The following SV2C variants were observed in gnomAD, a reference collection of about 807,000 sequenced individuals.
SV2C encodes synaptic vesicle glycoprotein 2C.
In SV2C, 49 loss-of-function variants were observed where a neutral mutation model predicts 79.7. The observed-to-expected ratio is 0.61, with a 90% CI of 0.49 to 0.78. The LOEUF (loss-of-function observed/expected upper bound fraction) is 0.78, where lower values mean the gene tolerates loss of function less well. Among genes scored for constraint, SV2C ranks in the 30% least tolerant of loss-of-function variants. The probability of loss-of-function intolerance (pLI) is 0.00; values close to 1 mark genes in which losing one functional copy is unlikely to be tolerated. For synonymous variants in SV2C, 334 were observed against 333.2 expected, an observed-to-expected ratio of 1.00 and a Z score of -0.03; for missense variants, 833 against 912.9, an observed-to-expected ratio of 0.91 and a Z score of 1.13.
At chr5:76,210,836 G>T (rs375606713) in intron 4 of SV2C, among the ~76,000 whole-genome samples, 2 of 152,226 alleles carry the variant, frequency 1.3e-5, no homozygotes, top group Non-Finnish European at 2.9e-5. Context: ...CCAGGAAATA[G>T]AAGTGTCAGG....
chr5:76,005,416 A>T, the SV2C span, among the ~76,000 whole-genome samples: 1 of 151,960 alleles, frequency 6.6e-6, no homozygotes, highest in South Asian at 2.1e-4. Flanking sequence ...AGAGTTGAGG[A>T]ATAATTGTCT....
the SV2C span, among the ~76,000 whole-genome samples, chr5:75,868,267 G>A: frequency 6.6e-6 from 1 of 152,198 alleles, no homozygotes; most frequent in South Asian, 2.1e-4. Context: ...GAGAAAGATT[G>A]AGGCCAAATG....
rs796926428 is a variant in SV2C, at chr5:76,238,027, T to TACACACAC, written c.913+28172_913+28179dup. On this transcript the variant is annotated intron_variant, in intron 4 of 12. Coordinates refer to ENST00000502798, the MANE Select transcript of SV2C (RefSeq NM_014979.4). ...ACATACATATACACACAATCACACA[T>TACACACAC]ACACACACACACACACACACACACA... Among the ~76,000 whole-genome samples, 457 of 122,912 alleles carry TACACACAC rather than the reference T, an allele frequency of 3.7e-3. 1 individual carries two copies. The highest frequency in any genetic ancestry group is 0.027 in the East Asian group (106 of 3,992). The allele number at this position is 122,912 out of a possible 152,430, so 80.6% of individuals were successfully genotyped here. A position where few individuals can be genotyped will look rare whatever the true frequency, so the allele number is the denominator to read the frequency against.
upstream of SV2C, chr5:76,078,574 C>T (rs1023316002): frequency 2.3e-5 from 8 of 341,606 alleles, no homozygotes; most frequent in Non-Finnish European, 3.4e-5. Context: ...TTTTGACTCC[C>T]GCGGGCCACA....
chr5:76,096,529 G>C (rs1225216939), intron 1 of SV2C, among the ~76,000 whole-genome samples: 1 of 152,118 alleles, frequency 6.6e-6, no homozygotes, highest in Non-Finnish European at 1.5e-5. Context: ...TTGAATTCAG[G>C]TCTTTTATCC....
the SV2C span, among the ~76,000 whole-genome samples, chr5:75,877,470 T>C: frequency 6.6e-6 from 1 of 152,028 alleles, no homozygotes; most frequent in Admixed American, 6.6e-5. Flanking sequence ...CAATCTTCTC[T>C]AATGCACACA....
At chr5:75,901,649 G>A in the SV2C span, among the ~76,000 whole-genome samples, 2 of 152,240 alleles carry the variant, frequency 1.3e-5, no homozygotes, top group East Asian at 3.8e-4. Context: ...GTCTGCAGAG[G>A]TTACTGCTGT....
At chr5:76,032,003 CA>C in the SV2C span, among the ~76,000 whole-genome samples, 1 of 152,044 alleles carries the variant, frequency 6.6e-6, no homozygotes, top group Non-Finnish European at 1.5e-5. Flanking sequence ...TCATAAGACC[CA>C]AAGCAAACCT....
At position 76,278,660 on chromosome 5, in the gene SV2C, G is replaced by A. The variant is rs574121475; in HGVS notation, c.914-6502G>A. ...GATTAAGCTCTATGTTCAGAGAACT[G>A]GAAGCAGGTCCATGGGACTGGCTCA... On this transcript the variant is annotated intron_variant, in intron 4 of 12. Transcript: ENST00000502798. 4.4e-4 allele frequency among the ~76,000 whole-genome samples: 67 copies of A among 152,358 alleles called. 1 individual carries two copies. In the South Asian group the frequency reaches 8.1e-3, roughly 18 times the overall value.
At chr5:76,231,721 A>G (rs1336128214) in intron 4 of SV2C, among the ~76,000 whole-genome samples, 1 of 143,194 alleles carries the variant, frequency 7.0e-6, no homozygotes, top group South Asian at 2.1e-4. Flanking sequence ...GTTTACTGAG[A>G]ACGATGATTT....
At chr5:76,011,999 C>T in the SV2C span, among the ~76,000 whole-genome samples, 5 of 152,100 alleles carry the variant, frequency 3.3e-5, no homozygotes, top group Non-Finnish European at 7.4e-5. Flanking sequence ...TTTCTTTATC[C>T]AGTCTATCAT....
chr5:76,071,873 A>G, the SV2C span, among the ~76,000 whole-genome samples: 1 of 152,230 alleles, frequency 6.6e-6, no homozygotes, highest in African/African-American at 2.4e-5. Context: ...AACTCAATGC[A>G]TTAATAGACC....
the SV2C span, among the ~76,000 whole-genome samples, chr5:75,952,554 T>C: frequency 7.2e-4 from 110 of 151,980 alleles, no homozygotes; most frequent in Non-Finnish European, 1.2e-3. Context: ...AATGGCTTAG[T>C]GCCATCCCCT....
the SV2C span, among the ~76,000 whole-genome samples, chr5:75,903,591 T>G: frequency 2.6e-4 from 39 of 152,298 alleles, no homozygotes; most frequent in African/African-American, 9.4e-4. Flanking sequence ...TTAAATCTGT[T>G]TAGAATTTCA....
chr5:75,967,634 G>A, the SV2C span, among the ~76,000 whole-genome samples: 16 of 152,174 alleles, frequency 1.1e-4, no homozygotes, highest in African/African-American at 2.7e-4. Context: ...AGGGGCACCC[G>A]CCATTGCCGA....
intron 12 of SV2C, among the ~76,000 whole-genome samples, chr5:76,352,290 C>G (rs1001420277): frequency 2.6e-5 from 4 of 152,104 alleles, no homozygotes; most frequent in African/African-American, 9.7e-5. Context: ...TAATTATGAA[C>G]GTAAGCAACT....
At chr5:76,204,547 T>C (rs1252817655) in intron 3 of SV2C, among the ~76,000 whole-genome samples, 3 of 152,202 alleles carry the variant, frequency 2.0e-5, no homozygotes, top group Non-Finnish European at 4.4e-5. Flanking sequence ...TTGACAATTA[T>C]ATGGTGAAAT....
the SV2C span, among the ~76,000 whole-genome samples, chr5:75,903,963 AAAAT>A: frequency 6.6e-6 from 1 of 152,232 alleles, no homozygotes; most frequent in African/African-American, 2.4e-5. Flanking sequence ...TTCAAAGAAA[AAAAT>A]AAAAGTAATG....
intron 1 of SV2C, among the ~76,000 whole-genome samples, chr5:76,101,979 C>G (rs1430355577): frequency 1.3e-5 from 2 of 152,166 alleles, no homozygotes; most frequent in Non-Finnish European, 2.9e-5. Flanking sequence ...TTATCACACC[C>G]TCAGTCCAGG....
Sources: allele counts gnomAD v4.1 joint callset (sites outside exome capture counted in the v4.1 genomes callset), GRCh38; gene constraint gnomAD v4.1.1; transcripts MANE v1.5; gene names NCBI Gene and HGNC (gene_info 2026-07-23, HGNC 2026-07-21).